Variants in DLC1 observed in about 807,000 individuals in gnomAD.
The protein encoded by DLC1 is DLC1 Rho GTPase activating protein.
In DLC1, 54 loss-of-function variants were observed where a neutral mutation model predicts 140.3. That is an observed-to-expected ratio of 0.38 (90% CI 0.31 to 0.48). The LOEUF is 0.48. Ranked by LOEUF, DLC1 falls within the 20% of genes least tolerant of loss-of-function variation. DLC1 has a pLI of 0.96. For synonymous variants in DLC1, 986 were observed against 728.1 expected (o/e 1.35, Z -5.70); for missense variants, 2,536 against 1,907.0 (o/e 1.33, Z -6.14).
chr8:13,137,660 G>A (rs1822675294), intron 5 of DLC1, among the ~76,000 whole-genome samples: 1 of 149,158 alleles, frequency 6.7e-6, no homozygotes, highest in African/African-American at 2.5e-5. Flanking sequence ...GGAGTGCAGT[G>A]GTGGGTTCTC....
intron 5 of DLC1, among the ~76,000 whole-genome samples, chr8:13,176,153 C>G (rs2116950770): frequency 6.6e-6 from 1 of 152,150 alleles, no homozygotes; most frequent in Non-Finnish European, 1.5e-5. Flanking sequence ...AGGTCAGGAC[C>G]TGGTTTGATT....
intron 4 of DLC1, among the ~76,000 whole-genome samples, chr8:13,359,068 A>C (rs754912306): frequency 6.6e-6 from 1 of 152,064 alleles, no homozygotes; most frequent in Non-Finnish European, 1.5e-5. Context: ...CCTCCCAGGT[A>C]GCTGAGACTA....
intron 5 of DLC1, chr8:13,276,657 C>T (rs1831185601): frequency 4.4e-6 from 5 of 1,129,878 alleles, no homozygotes; most frequent in South Asian, 3.9e-5. Flanking sequence ...CACAGCTATC[C>T]GGAGGCGTCT....
chr8:13,489,508 A>G (rs1468801321), intron 2 of DLC1, among the ~76,000 whole-genome samples: 2 of 151,878 alleles, frequency 1.3e-5, no homozygotes, highest in Non-Finnish European at 2.9e-5. Context: ...GTGTACACAG[A>G]CACTTTTAAC....
intron 5 of DLC1, among the ~76,000 whole-genome samples, chr8:13,182,674 G>A (rs1190264460): frequency 2.6e-5 from 4 of 152,030 alleles, no homozygotes; most frequent in Admixed American, 6.6e-5. Flanking sequence ...TGTTCCATTG[G>A]TCTATATCTC....
chr8:13,373,282 A>G (rs1353859401), intron 4 of DLC1, among the ~76,000 whole-genome samples: 1 of 152,202 alleles, frequency 6.6e-6, no homozygotes, highest in Non-Finnish European at 1.5e-5. Flanking sequence ...CATTTTGAAT[A>G]CAAAAGTGTG....
At chr8:13,280,287 CAAAAAAAAAAAAA>C (rs55791933) in intron 5 of DLC1, among the ~76,000 whole-genome samples, 3 of 65,374 alleles carry the variant, frequency 4.6e-5, no homozygotes, top group South Asian at 1.4e-3. Flanking sequence ...GACTCCATCT[CAAAAAAAAAAAAA>C]AAAAAAAAAA....
upstream of DLC1, among the ~76,000 whole-genome samples, chr8:13,519,172 G>A (rs768580524): frequency 1.5e-5 from 2 of 134,286 alleles, no homozygotes; most frequent in Non-Finnish European, 3.1e-5. Context: ...CTGTCGCCCA[G>A]GATGGAGTGC....
Position 13,090,183 on chromosome 8 carries a change from G to A in DLC1, c.4074+69C>T, listed in dbSNP as rs576212583. On this transcript the variant is annotated intron_variant, in intron 15 of 17. Coordinates refer to ENST00000276297, the MANE Select transcript of DLC1 (RefSeq NM_182643.3). ...CCCAGACAGATTAGTTGGCAAAAGC[G>A]TGTTATCTCTGATGGACCCAAGCTT... 1.2e-5 allele frequency: 17 copies of A among 1,454,680 alleles called. 1 individual carries two copies. The highest frequency in any genetic ancestry group is 6.4e-5 in the South Asian group (5 of 77,632). The allele number at this position is 1,454,680 out of a possible 1,614,324, so 90.1% of individuals were successfully genotyped here. A position where few individuals can be genotyped will look rare whatever the true frequency, so the allele number is the denominator to read the frequency against.
chr8:13,521,436 G>T (rs1051611061), intron 1 of DLC1, among the ~76,000 whole-genome samples: 4 of 151,846 alleles, frequency 2.6e-5, no homozygotes, highest in Admixed American at 6.6e-5. Flanking sequence ...CCTTGCCATG[G>T]TTGGCTTAGA....
At chr8:13,147,322 T>G (rs779761928) in intron 5 of DLC1, among the ~76,000 whole-genome samples, 2 of 152,232 alleles carry the variant, frequency 1.3e-5, no homozygotes, top group Admixed American at 6.5e-5. Flanking sequence ...TAAATTAGTA[T>G]GTGTGGATTT....
At chr8:13,332,242 T>C (rs1225893328) in intron 4 of DLC1, among the ~76,000 whole-genome samples, 2 of 152,190 alleles carry the variant, frequency 1.3e-5, no homozygotes, top group East Asian at 3.9e-4. Context: ...TAAAGCGTAA[T>C]GAACACAATG....
chr8:13,132,862 G>A, intron 5 of DLC1: 1 of 1,505,386 alleles, frequency 6.6e-7, no homozygotes, highest in South Asian at 1.2e-5. Flanking sequence ...TTGACAAGGC[G>A]GGGTGACACT....
chr8:13,153,414 G>A (rs947331898), intron 5 of DLC1, among the ~76,000 whole-genome samples: 1 of 152,150 alleles, frequency 6.6e-6, no homozygotes, highest in Non-Finnish European at 1.5e-5. Context: ...GCTCATAAAC[G>A]CAGTGTGGAC....
intron 1 of DLC1, among the ~76,000 whole-genome samples, chr8:13,501,035 C>T (rs891477320): frequency 2.6e-5 from 4 of 152,186 alleles, no homozygotes; most frequent in Non-Finnish European, 5.9e-5. Flanking sequence ...GAGATTCTAC[C>T]TTCATCCCTT....
At chr8:13,588,711 T>G (rs1295438933) in intron 1 of DLC1, among the ~76,000 whole-genome samples, 4 of 152,174 alleles carry the variant, frequency 2.6e-5, no homozygotes, top group Admixed American at 6.6e-5. Context: ...TTATGGCTAC[T>G]TGACTATCTC....
In DLC1 at chr8:13,176,512, G is replaced by C. The variant is rs376368862; in HGVS notation, c.1349-60855C>G. On this transcript the variant is annotated intron_variant, in intron 5 of 17. Transcript: ENST00000276297. Reference sequence around the variant, plus strand: ...GAGAATGGTGTGAACCCGGCAGGTGGAGCTTGCAGTGAGCCAAGATTGTGC... The same window carrying C: ...GAGAATGGTGTGAACCCGGCAGGTGCAGCTTGCAGTGAGCCAAGATTGTGC... 3.9e-4 allele frequency among the ~76,000 whole-genome samples: 59 copies of C among 152,272 alleles called. 1 individual carries two copies. The East Asian group carries it at 9.7e-3, about 25-fold the overall frequency.
intron 6 of DLC1, among the ~76,000 whole-genome samples, chr8:13,112,632 T>C (rs1428118073): frequency 1.3e-5 from 2 of 152,246 alleles, no homozygotes; most frequent in Non-Finnish European, 2.9e-5. Flanking sequence ...CAATGGAAAC[T>C]GGAGCACTAG....
intron 2 of DLC1, among the ~76,000 whole-genome samples, chr8:13,457,191 T>C (rs1327911182): frequency 6.6e-6 from 1 of 152,184 alleles, no homozygotes; most frequent in Non-Finnish European, 1.5e-5. Flanking sequence ...ACAATGAGTG[T>C]TTGACAAATG....
Sources: allele counts gnomAD v4.1 joint callset (sites outside exome capture counted in the v4.1 genomes callset), GRCh38; gene constraint gnomAD v4.1.1; transcripts MANE v1.5; gene names NCBI Gene and HGNC (gene_info 2026-07-23, HGNC 2026-07-21).